The following SYNPR variants were observed in gnomAD, a reference collection of about 807,000 sequenced individuals.
SYNPR encodes synaptoporin.
SYNPR carries 23 observed loss-of-function variants against 32.9 expected under a neutral mutation model. The observed-to-expected ratio is 0.70, with a 90% confidence interval of 0.50 to 0.99. SYNPR has a LOEUF of 0.99. Ranked by LOEUF, SYNPR falls within the 50% of genes least tolerant of loss-of-function variation. The pLI, the probability that SYNPR is intolerant of heterozygous loss-of-function variation, is 0.00. For synonymous variants in SYNPR, 146 were observed against 135.9 expected (o/e 1.07, Z -0.52); for missense variants, 318 against 349.3 (o/e 0.91, Z 0.71).
intron 3 of SYNPR, among the ~76,000 whole-genome samples, chr3:63,482,238 T>C (rs1323306086): frequency 6.6e-6 from 1 of 152,202 alleles, no homozygotes; most frequent in East Asian, 1.9e-4. Flanking sequence ...ATTCAAATGA[T>C]TGGCCCAGTG....
chr3:63,243,320 C>A (rs72876402), intron 1 of SYNPR, among the ~76,000 whole-genome samples: 11,790 of 151,748 alleles, frequency 0.078, 1,323 homozygotes, highest in African/African-American at 0.25. Flanking sequence ...TTAAGGCTAC[C>A]AAAATTAAAA....
chr3:63,408,436 A>T (rs2088418611), intron 2 of SYNPR, among the ~76,000 whole-genome samples: 1 of 152,176 alleles, frequency 6.6e-6, no homozygotes, highest in Non-Finnish European at 1.5e-5. Flanking sequence ...GAGGCTGATG[A>T]GTTCCACAGC....
chr3:63,386,627 C>CCTTCCTTT (rs1329754279), intron 2 of SYNPR, among the ~76,000 whole-genome samples: 2 of 151,694 alleles, frequency 1.3e-5, no homozygotes, highest in African/African-American at 2.4e-5. Flanking sequence ...TTCCTTCCTT[C>CCTTCCTTT]CTTTCTTTAT....
chr3:63,380,434 G>T (rs1249265864), intron 2 of SYNPR, among the ~76,000 whole-genome samples: 3 of 152,068 alleles, frequency 2.0e-5, no homozygotes, highest in African/African-American at 7.2e-5. Context: ...TTCTCTGATG[G>T]CCAGTGATGA....
intron 3 of SYNPR, among the ~76,000 whole-genome samples, chr3:63,507,850 C>G (rs1701619255): frequency 6.7e-6 from 1 of 148,258 alleles, no homozygotes; most frequent in Non-Finnish European, 1.5e-5. Flanking sequence ...TTCAGGAACT[C>G]CAACACAACA....
At position 63,480,996 on chromosome 3, in the gene SYNPR, G is replaced by A. The variant is rs763454469; in HGVS notation, c.209+40G>A. The A allele has an allele frequency of 3.8e-6, 6 of 1,585,678 alleles. No homozygotes were observed. In the South Asian group the frequency reaches 5.7e-5, roughly 15 times the overall value. ...TTCATGCTTGTTAGCCTCACAGGGGGTTATTTCTTTCTTCTGTGCTTTGTC... is the reference window on the plus strand; with the variant it reads ...TTCATGCTTGTTAGCCTCACAGGGGATTATTTCTTTCTTCTGTGCTTTGTC... On this transcript the variant is annotated intron_variant, in intron 3 of 5. Transcript: ENST00000478300.
At chr3:63,347,689 A>G (rs1472726340) in intron 2 of SYNPR, among the ~76,000 whole-genome samples, 1 of 152,120 alleles carries the variant, frequency 6.6e-6, no homozygotes, top group Non-Finnish European at 1.5e-5. Context: ...GTCCCGGTGT[A>G]CACATCATAT....
At chr3:63,232,191 A>ATTTT (rs1560163354) in intron 1 of SYNPR, among the ~76,000 whole-genome samples, 4 of 76,188 alleles carry the variant, frequency 5.3e-5, no homozygotes, top group East Asian at 5.7e-4. Flanking sequence ...TCAGATTCTG[A>ATTTT]CTTTTTTTTT....
chr3:63,578,602 T>C (rs1471819151), intron 4 of SYNPR, among the ~76,000 whole-genome samples: 1 of 152,236 alleles, frequency 6.6e-6, no homozygotes, highest in South Asian at 2.1e-4. Context: ...TTTCATGAAC[T>C]TAATAGCTGG....
intron 2 of SYNPR, chr3:63,452,176 A>T (rs747022133): frequency 1.4e-5 from 10 of 696,576 alleles, no homozygotes; most frequent in Non-Finnish European, 2.6e-5. Flanking sequence ...TCATTTGTGC[A>T]TTCTATGTAA....
chr3:63,257,233 C>G (rs2086392478), intron 2 of SYNPR, among the ~76,000 whole-genome samples: 1 of 152,098 alleles, frequency 6.6e-6, no homozygotes, highest in African/African-American at 2.4e-5. Flanking sequence ...CAAAGATACT[C>G]CTCGAGAAGA....
intron 3 of SYNPR, among the ~76,000 whole-genome samples, chr3:63,507,678 G>A (rs1041032203): frequency 2.0e-5 from 3 of 152,166 alleles, no homozygotes; most frequent in African/African-American, 7.2e-5. Context: ...AATAAAGTCT[G>A]TAGTTCAGTT....
At chr3:63,574,110 G>C (rs1379153636) in intron 4 of SYNPR, among the ~76,000 whole-genome samples, 2 of 152,126 alleles carry the variant, frequency 1.3e-5, no homozygotes, top group African/African-American at 4.8e-5. Context: ...TTGACAGTCA[G>C]TGTTTACTAA....
chr3:63,581,000 C>A (rs1703080038), intron 4 of SYNPR, among the ~76,000 whole-genome samples: 1 of 152,160 alleles, frequency 6.6e-6, no homozygotes, highest in Non-Finnish European at 1.5e-5. Context: ...TTGGCTAAAG[C>A]CATACAATGA....
Position 63,382,711 on chromosome 3 carries a change from G to A in SYNPR, c.85-98121G>A, listed in dbSNP as rs529617474. The stretch of plus-strand genomic sequence containing the variant: ...GCCTTTTTCTCCTCCTTTCGGAGTC[G>A]TCTTATGTGTGTTTTATATATAATT... On this transcript the variant is annotated intron_variant, in intron 2 of 5. Transcript: ENST00000478300. 1.8e-3 allele frequency among the ~76,000 whole-genome samples: 274 copies of A among 152,226 alleles called. 1 individual carries two copies. Among genetic ancestry groups the A allele is most frequent in the Non-Finnish European group, 3.1e-3 (213 of 68,014 alleles).
intron 2 of SYNPR, among the ~76,000 whole-genome samples, chr3:63,291,975 C>T (rs914719171): frequency 2.0e-5 from 3 of 152,158 alleles, no homozygotes; most frequent in Admixed American, 2.0e-4. Context: ...AATGGGATAG[C>T]CTACTACACA....
At chr3:63,280,528 AAT>A (rs1379039647) in intron 2 of SYNPR, among the ~76,000 whole-genome samples, 2 of 152,046 alleles carry the variant, frequency 1.3e-5, no homozygotes, top group Non-Finnish European at 1.5e-5. Flanking sequence ...AAAAAAAAAA[AAT>A]GTTTGTTTTT....
intron 2 of SYNPR, among the ~76,000 whole-genome samples, chr3:63,292,013 C>T (rs147882831): frequency 0.013 from 1,988 of 152,234 alleles, 44 homozygotes; most frequent in African/African-American, 0.045. Flanking sequence ...GCCTATTGCT[C>T]CTAGGCTAAA....
chr3:63,218,318 A>G, the SYNPR span, among the ~76,000 whole-genome samples: 1 of 152,290 alleles, frequency 6.6e-6, no homozygotes, highest in East Asian at 1.9e-4. Flanking sequence ...TGTTCTCTAA[A>G]AGTTGCTAGA....
Sources: allele counts gnomAD v4.1 joint callset (sites outside exome capture counted in the v4.1 genomes callset), GRCh38; gene constraint gnomAD v4.1.1; transcripts MANE v1.5; gene names NCBI Gene and HGNC (gene_info 2026-07-23, HGNC 2026-07-21).